Variants in VGLL4 observed in about 807,000 individuals in gnomAD.
VGLL4 encodes vestigial like family member 4.
Under a neutral mutation model 21.0 loss-of-function variants are expected in VGLL4, and 7 were observed. That is an observed-to-expected ratio of 0.33 (90% CI 0.19 to 0.63). VGLL4 has a LOEUF of 0.63. VGLL4 is among the 20% of genes least tolerant of loss of function. VGLL4 has a pLI of 0.78. For synonymous variants in VGLL4, 222 were observed against 173.2 expected (o/e 1.28, Z -2.21); for missense variants, 394 against 425.7 (o/e 0.93, Z 0.66).
At chr3:11,680,653 T>C (rs2076355120) in intron 2 of VGLL4, among the ~76,000 whole-genome samples, 1 of 152,142 alleles carries the variant, frequency 6.6e-6, no homozygotes, top group South Asian at 2.1e-4. Flanking sequence ...TGAGTAACAT[T>C]CCGAGTAAAA....
chr3:11,659,185 G>A (rs1366232286), intron 2 of VGLL4, among the ~76,000 whole-genome samples: 1 of 152,070 alleles, frequency 6.6e-6, no homozygotes, highest in African/African-American at 2.4e-5. Context: ...GGGATCCAAA[G>A]ATGAGTAAGA....
At chr3:11,699,321 A>G (rs2125401565) in intron 2 of VGLL4, among the ~76,000 whole-genome samples, 1 of 152,360 alleles carries the variant, frequency 6.6e-6, no homozygotes, top group South Asian at 2.1e-4. Flanking sequence ...CGAGCTCAGC[A>G]TACTTGAGAG....
intron 2 of VGLL4, among the ~76,000 whole-genome samples, chr3:11,694,454 T>C (rs59124340): frequency 0.087 from 13,141 of 151,848 alleles, 672 homozygotes; most frequent in East Asian, 0.2. Flanking sequence ...AACCCTGTCT[T>C]TACTAAAAAA....
intron 3 of VGLL4, among the ~76,000 whole-genome samples, chr3:11,560,299 G>T (rs2072867098): frequency 1.3e-5 from 2 of 152,334 alleles, no homozygotes; most frequent in South Asian, 4.1e-4. Context: ...GAAAATATTT[G>T]TGAACTAAAC....
At chr3:11,634,638 T>A (rs987333076) in intron 1 of VGLL4, among the ~76,000 whole-genome samples, 1 of 151,766 alleles carries the variant, frequency 6.6e-6, no homozygotes, top group South Asian at 2.1e-4. Context: ...GCTCACCATA[T>A]GTGCACCAGC....
chr3:11,612,017 T>C (rs2075072707), intron 1 of VGLL4: 1 of 151,896 alleles, frequency 6.6e-6, no homozygotes, highest in African/African-American at 2.4e-5. Flanking sequence ...TTTTAAGTAT[T>C]AATAGCTATA....
At chr3:11,591,246 T>C (rs1248384153) in intron 2 of VGLL4, among the ~76,000 whole-genome samples, 4 of 152,222 alleles carry the variant, frequency 2.6e-5, no homozygotes, top group Non-Finnish European at 5.9e-5. Context: ...TTCTGTCACA[T>C]ACCCCAAACG....
chr3:11,635,728 T>G (rs951421859), intron 1 of VGLL4, among the ~76,000 whole-genome samples: 2 of 152,210 alleles, frequency 1.3e-5, no homozygotes, highest in African/African-American at 4.8e-5. Flanking sequence ...CAGAAACTGG[T>G]GTTAACTGCT....
chr3:11,656,897 G>A (rs2125349062), intron 2 of VGLL4, among the ~76,000 whole-genome samples: 1 of 152,280 alleles, frequency 6.6e-6, no homozygotes, highest in African/African-American at 2.4e-5. Flanking sequence ...AAAGAGAAGA[G>A]GGGGTCTGGA....
intron 2 of VGLL4, among the ~76,000 whole-genome samples, chr3:11,660,813 T>C (rs2125354438): frequency 6.6e-6 from 1 of 152,224 alleles, no homozygotes; most frequent in African/African-American, 2.4e-5. Context: ...AGTGGAAAAA[T>C]CATTTAAATT....
At chr3:11,573,407 A>G (rs189980794) in intron 2 of VGLL4, among the ~76,000 whole-genome samples, 135 of 151,586 alleles carry the variant, frequency 8.9e-4, no homozygotes, top group African/African-American at 2.7e-3. Flanking sequence ...AAATGGCCCC[A>G]TAGTGCTTAA....
At chr3:11,635,769 GAAAAC>G (rs2125322791) in intron 1 of VGLL4, among the ~76,000 whole-genome samples, 1 of 152,360 alleles carries the variant, frequency 6.6e-6, no homozygotes, top group African/African-American at 2.4e-5. Context: ...AGCTGTGCTA[GAAAAC>G]TGCACATAAG....
At chr3:11,584,923 TCCACCACCACCA>T (rs150855339) in intron 2 of VGLL4, among the ~76,000 whole-genome samples, 4 of 151,300 alleles carry the variant, frequency 2.6e-5, no homozygotes, top group African/African-American at 9.7e-5. Context: ...CACCCAGGGA[TCCACCACCACCA>T]CCACCACCAC....
intron 1 of VGLL4, 40 bp downstream of exon 1, chr3:11,643,397 G>C: frequency 3.7e-6 from 6 of 1,613,784 alleles, no homozygotes; most frequent in Non-Finnish European, 5.1e-6. Context: ...GGAGTGGCCG[G>C]GACGAGCAAC....
chr3:11,574,371 G>A (rs2073964780), intron 2 of VGLL4, among the ~76,000 whole-genome samples: 5 of 152,170 alleles, frequency 3.3e-5, no homozygotes, highest in African/African-American at 2.4e-5. Flanking sequence ...CTGTATGCCT[G>A]TCATCCTGAG....
chr3:11,706,132 A>G (rs1290630577), intron 1 of VGLL4, among the ~76,000 whole-genome samples: 10 of 152,226 alleles, frequency 6.6e-5, no homozygotes. Flanking sequence ...ATCAAAGCAT[A>G]AAAGTATCAA....
chr3:11,584,197 G>A (rs1160472320), intron 2 of VGLL4, among the ~76,000 whole-genome samples: 2 of 152,258 alleles, frequency 1.3e-5, no homozygotes, highest in Non-Finnish European at 2.9e-5. Context: ...AATATGAAGA[G>A]TCGTAACATA....
At chr3:11,566,100 G>C (rs2073484002) in intron 2 of VGLL4, among the ~76,000 whole-genome samples, 1 of 152,210 alleles carries the variant, frequency 6.6e-6, no homozygotes, top group African/African-American at 2.4e-5. Context: ...GCCTGCCCTG[G>C]TGAAGCAGCA....
At chr3:11,703,143 T>A (rs2076707418) in intron 1 of VGLL4, 2 of 1,016,508 alleles carry the variant, frequency 2.0e-6, no homozygotes, top group East Asian at 3.0e-5. Context: ...CTCAACCAAA[T>A]GCAAATCATT....
Sources: allele counts gnomAD v4.1 joint callset (sites outside exome capture counted in the v4.1 genomes callset), GRCh38; gene constraint gnomAD v4.1.1; transcripts MANE v1.5; gene names NCBI Gene and HGNC (gene_info 2026-07-23, HGNC 2026-07-21).